SETD2: variants seen among roughly 807,000 people sequenced by gnomAD.
SETD2 encodes the protein SET domain containing 2, histone lysine methyltransferase, also known as histone-lysine N-methyltransferase SETD2.
A neutral mutation model predicts 242.1 loss-of-function variants in SETD2; 31 were observed. The observed-to-expected ratio is 0.13, with a 90% CI of 0.10 to 0.17. The LOEUF is 0.17. Among genes scored for constraint, SETD2 ranks in the 10% least tolerant of loss-of-function variants. The probability of loss-of-function intolerance (pLI) is 1.00; values close to 1 mark genes in which losing one functional copy is unlikely to be tolerated. For synonymous variants in SETD2, 1,006 were observed against 1,066.5 expected (o/e 0.94, Z 1.11); for missense variants, 2,481 against 3,046.3 (o/e 0.81, Z 4.37).
chr3:47,068,015 C>A (rs2107602788), intron 12 of SETD2, among the ~76,000 whole-genome samples: 1 of 152,264 alleles, frequency 6.6e-6, no homozygotes, highest in South Asian at 2.1e-4. Flanking sequence ...CTTTTAAGTA[C>A]CTTTTCTTGT....
At chr3:47,021,344 C>T (rs2038210422) in intron 18 of SETD2, among the ~76,000 whole-genome samples, 1 of 152,178 alleles carries the variant, frequency 6.6e-6, no homozygotes, top group African/African-American at 2.4e-5. Flanking sequence ...AGAGGCCATG[C>T]TCTCAGCGAG....
rs76132393 is a variant in SETD2 at position 47,037,755 on chromosome 3, T to C, written c.7261A>G (p.Thr2421Ala). ...GCATCATCTCCTGGGCTTTCCCAAG[T>C]AGGAGGATCCCACTGAGTCTGCCTA... ...ITRQTQWDPP[T>A]WESPGDDASL... Residue 2421 changes from threonine (T) to alanine (A), a missense_variant, in exon 18 of 21, where the codon ACT becomes GCT. Physicochemically the swap from Thr to Ala is moderately conservative, Grantham distance 58 (BLOSUM62 0). Coordinates refer to ENST00000409792, the MANE Select transcript of SETD2 (RefSeq NM_014159.7). 432 of 1,613,568 alleles carry C rather than the reference T, an allele frequency of 2.7e-4. 1 individual carries two copies. In the East Asian group the frequency reaches 6.2e-3, roughly 23 times the overall value.
At chr3:47,155,841 GT>G (rs1462846080) in intron 1 of SETD2, among the ~76,000 whole-genome samples, 14 of 148,474 alleles carry the variant, frequency 9.4e-5, no homozygotes, top group African/African-American at 1.5e-4. Context: ...TGTTTTTGTT[GT>G]TTTTTTTTTC....
intron 15 of SETD2, among the ~76,000 whole-genome samples, chr3:47,047,953 T>C (rs2107552293): frequency 6.6e-6 from 1 of 152,304 alleles, no homozygotes; most frequent in East Asian, 1.9e-4. Flanking sequence ...ATCTATTAGA[T>C]ACCTAGGCTA....
At chr3:47,041,496 G>GA (rs969022192) in intron 17 of SETD2, 282 of 213,760 alleles carry the variant, frequency 1.3e-3, no homozygotes, top group South Asian at 2.9e-3. Flanking sequence ...ACAAAAAAAA[G>GA]AAAAAAAAAA....
rs751928495 is a variant in SETD2, at chr3:47,122,330, T to C, written c.2306A>G (p.Asp769Gly). 1 of 1,614,188 alleles carries C rather than the reference T, an allele frequency of 6.2e-7. No individual in the cohort carries two copies. The highest frequency in any genetic ancestry group is 8.5e-7 in the Non-Finnish European group (1 of 1,180,018). Residue 769 changes from aspartate (D) to glycine (G), a missense_variant, in exon 3 of 21, where the codon GAT becomes GGT. Asp to Gly is a moderately conservative substitution (Grantham distance 94). This residue lies in a region of SETD2 where 1,300 missense variants were observed against 1,259.2 expected (regional missense o/e 1.03). Coordinates refer to ENST00000409792, the MANE Select transcript of SETD2 (RefSeq NM_014159.7). The part of the protein sequence containing the change: ...KLMSMPVMTV[D>G]YSKTVVKEPV... Reference sequence around the variant, plus strand: ...TTCTTTAACTACTGTTTTGGAATAATCCACAGTCATAACTGGCATAGACAT... The same window carrying C: ...TTCTTTAACTACTGTTTTGGAATAACCCACAGTCATAACTGGCATAGACAT...
At chr3:47,019,077 A>G (rs1023486739) in intron 19 of SETD2, among the ~76,000 whole-genome samples, 5 of 152,258 alleles carry the variant, frequency 3.3e-5, no homozygotes, top group African/African-American at 1.2e-4. Flanking sequence ...ATTGGAGTTT[A>G]GAACCTAGAT....
At chr3:47,148,305 A>G (rs2043909578) in intron 1 of SETD2, among the ~76,000 whole-genome samples, 1 of 151,876 alleles carries the variant, frequency 6.6e-6, no homozygotes, top group South Asian at 2.1e-4. Context: ...TAATTTTTGT[A>G]TTTTTAGTAG....
intron 12 of SETD2, among the ~76,000 whole-genome samples, chr3:47,075,964 A>AT (rs774548270): frequency 9.2e-5 from 14 of 152,246 alleles, no homozygotes; most frequent in African/African-American, 1.4e-4. Context: ...TCATTCACAT[A>AT]TTTTTGAAAT....
intron 1 of SETD2, among the ~76,000 whole-genome samples, chr3:47,142,067 T>C (rs1197348186): frequency 6.6e-6 from 1 of 152,208 alleles, no homozygotes; most frequent in Non-Finnish European, 1.5e-5. Flanking sequence ...CATCATTTCA[T>C]ACAGAAAAAG....
chr3:47,037,859 T>A, intron 17 of SETD2, 82 bp from the exon 18 acceptor site: 1 of 955,680 alleles, frequency 1.0e-6, no homozygotes, highest in South Asian at 1.3e-5. Context: ...CATACATACA[T>A]AAAATACAAC....
intron 15 of SETD2, among the ~76,000 whole-genome samples, chr3:47,048,976 T>C (rs556724999): frequency 6.6e-6 from 1 of 151,796 alleles, no homozygotes; most frequent in East Asian, 1.9e-4. Context: ...TATATTTTTT[T>C]TAAAAAAGAG....
chr3:47,149,846 G>C (rs1344923797), intron 1 of SETD2, among the ~76,000 whole-genome samples: 1 of 152,060 alleles, frequency 6.6e-6, no homozygotes, highest in Non-Finnish European at 1.5e-5. Context: ...AATGAAAAGA[G>C]TTTAAATATA....
intron 9 of SETD2, among the ~76,000 whole-genome samples, chr3:47,089,513 GC>G (rs944142483): frequency 2.0e-5 from 3 of 152,176 alleles, no homozygotes; most frequent in Non-Finnish European, 4.4e-5. Context: ...GGAGAAGGAA[GC>G]AGAGAAGCAC....
chr3:47,066,698 T>C (rs902531322), intron 13 of SETD2, among the ~76,000 whole-genome samples: 3 of 146,828 alleles, frequency 2.0e-5, no homozygotes, highest in African/African-American at 7.4e-5. Context: ...TCTAGAAGTA[T>C]AGGTTTAAGA....
At chr3:47,060,288 A>G (rs1395903775) in intron 14 of SETD2, among the ~76,000 whole-genome samples, 3 of 152,170 alleles carry the variant, frequency 2.0e-5, no homozygotes, top group Non-Finnish European at 4.4e-5. Context: ...GACAGAGATA[A>G]GCATACTCAA....
chr3:47,071,514 AG>A (rs1285175818), intron 12 of SETD2, among the ~76,000 whole-genome samples: 1 of 152,220 alleles, frequency 6.6e-6, no homozygotes, highest in Non-Finnish European at 1.5e-5. Context: ...TACTGTTTAA[AG>A]GCCTCACCTA....
At chr3:47,072,012 A>C (rs1027783538) in intron 12 of SETD2, among the ~76,000 whole-genome samples, 1 of 152,202 alleles carries the variant, frequency 6.6e-6, no homozygotes, top group Non-Finnish European at 1.5e-5. Context: ...CAACACTTAT[A>C]AGAACAAAAT....
chr3:47,089,348 G>A (rs1012390137), intron 9 of SETD2, among the ~76,000 whole-genome samples: 4 of 152,158 alleles, frequency 2.6e-5, no homozygotes, highest in African/African-American at 4.8e-5. Context: ...TCAGGAGGCT[G>A]AGGCAGAAGG....
Sources: gnomAD v4.1 joint callset for allele counts (sites outside exome capture counted in the v4.1 genomes callset) on GRCh38, gnomAD v4.1.1 for gene constraint, gnomAD v4.1.1 regional missense constraint, MANE v1.5 for transcripts, NCBI Gene and HGNC (gene_info 2026-07-23, HGNC 2026-07-21) for gene names.